NUBPL: variants seen among roughly 807,000 people sequenced by gnomAD.
The protein encoded by NUBPL is NUBP iron-sulfur cluster assembly factor, mitochondrial.
NUBPL carries 31 observed loss-of-function variants against 45.7 expected under a neutral mutation model. The ratio of observed to expected loss-of-function variants is 0.68; its 90% confidence interval spans 0.51 to 0.92. The LOEUF is 0.92. Ranked by LOEUF, NUBPL falls within the 40% of genes least tolerant of loss-of-function variation. NUBPL has a pLI of 0.00. For missense variants in NUBPL, 401 were observed against 398.7 expected, an observed-to-expected ratio of 1.01 and a Z score of -0.05; for synonymous variants, 144 against 140.9, an observed-to-expected ratio of 1.02 and a Z score of -0.15.
At chr14:31,688,194 G>A (rs1377956282) in intron 6 of NUBPL, among the ~76,000 whole-genome samples, 5 of 152,144 alleles carry the variant, frequency 3.3e-5, no homozygotes, top group Admixed American at 6.6e-5. Context: ...ATAATTTTAG[G>A]AAGAGGTTTC....
At chr14:31,857,591 CT>C (rs2040644868) in intron 10 of NUBPL, among the ~76,000 whole-genome samples, 1 of 152,170 alleles carries the variant, frequency 6.6e-6, no homozygotes, top group South Asian at 2.1e-4. Context: ...CTCTTGAATG[CT>C]TTGCTGCTTA....
At chr14:31,647,601 C>T (rs79213402) in intron 4 of NUBPL, among the ~76,000 whole-genome samples, 7,161 of 152,290 alleles carry the variant, frequency 0.047, 211 homozygotes, top group Admixed American at 0.066. Flanking sequence ...GCTGAACAGT[C>T]AGTCTGATTT....
At chr14:31,752,117 G>T (rs67399055) in intron 6 of NUBPL, among the ~76,000 whole-genome samples, 1 of 151,990 alleles carries the variant, frequency 6.6e-6, no homozygotes, top group Non-Finnish European at 1.5e-5. Context: ...TCTCTGAAAC[G>T]CCCTGGAGAC....
intron 4 of NUBPL, among the ~76,000 whole-genome samples, chr14:31,658,044 TGTTTAAAA>T (rs1361893570): frequency 2.6e-5 from 4 of 152,206 alleles, no homozygotes; most frequent in Non-Finnish European, 4.4e-5. Context: ...ATTCAACTAC[TGTTTAAAA>T]GATGATTCAT....
chr14:31,616,152 TTTTG>T lies in NUBPL; in HGVS notation c.382+16777_382+16780del, dbSNP rs1308903073. Among the ~76,000 whole-genome samples, 6 of 152,054 alleles carry T rather than the reference TTTTG, an allele frequency of 3.9e-5. No individual in the cohort carries two copies. In the South Asian group the frequency reaches 1.0e-3, roughly 26 times the overall value. On this transcript the variant is annotated intron_variant, in intron 4 of 10. Coordinates refer to ENST00000281081, the MANE Select transcript of NUBPL (RefSeq NM_025152.3). Reference sequence around the variant, plus strand: ...CTTTTTGATGGGGTTGTTTTTTTCTTTTTGTTTAAGTTCTTTTAGATTCTGCATA... The same window carrying T: ...CTTTTTGATGGGGTTGTTTTTTTCTTTTTAAGTTCTTTTAGATTCTGCATA...
chr14:31,646,626 G>A (rs1441263565), intron 4 of NUBPL, among the ~76,000 whole-genome samples: 1 of 151,976 alleles, frequency 6.6e-6, no homozygotes, highest in African/African-American at 2.4e-5. Flanking sequence ...TTCTCTTGCT[G>A]CTTTTAGTAT....
chr14:31,700,741 C>A (rs1285728075), intron 6 of NUBPL, among the ~76,000 whole-genome samples: 1 of 152,130 alleles, frequency 6.6e-6, no homozygotes, highest in Non-Finnish European at 1.5e-5. Context: ...GGCCTGCCTG[C>A]ACTGCACTTG....
intron 4 of NUBPL, among the ~76,000 whole-genome samples, chr14:31,643,730 T>C (rs970885458): frequency 1.3e-5 from 2 of 152,102 alleles, no homozygotes; most frequent in South Asian, 4.1e-4. Context: ...TTGGCATTAC[T>C]TCTTTAAATT....
rs550897213 is a variant in NUBPL, at chr14:31,627,120, A to G, written c.382+27741A>G. On this transcript the variant is annotated intron_variant, in intron 4 of 10. Transcript: ENST00000281081. ...TCTAGCACATGGTAAGCACCAGTGC[A>G]TATTGTTTTCATTAGTATTTTATCA... Among the ~76,000 whole-genome samples, 90 of 152,352 alleles carry G rather than the reference A, an allele frequency of 5.9e-4. 1 individual carries two copies. The South Asian group carries it at 0.018, about 30-fold the overall frequency.
intron 8 of NUBPL, among the ~76,000 whole-genome samples, chr14:31,827,279 A>T (rs2040120590): frequency 6.6e-6 from 1 of 151,992 alleles, no homozygotes; most frequent in Admixed American, 6.6e-5. Context: ...CTAGGGGTGT[A>T]CCGTGACTTT....
chr14:31,800,741 T>C (rs1167211719), intron 7 of NUBPL: 1 of 152,250 alleles, frequency 6.6e-6, no homozygotes, highest in Non-Finnish European at 1.5e-5. Flanking sequence ...GTATGATATC[T>C]GAAGACTGTC....
chr14:31,741,512 C>T (rs966801957), intron 6 of NUBPL, among the ~76,000 whole-genome samples: 1 of 152,040 alleles, frequency 6.6e-6, no homozygotes, highest in Non-Finnish European at 1.5e-5. Flanking sequence ...GGGTAGAGTA[C>T]TCCTGCATAT....
Position 31,784,550 on chromosome 14 carries a change from C to T in NUBPL, c.514-3230C>T, listed in dbSNP as rs116391788. Reference sequence around the variant, plus strand: ...AGCTTTCTAGGTTACATTTGCCTGTCATGTGACTCAGGCCTCATGATCACA... The same window carrying T: ...AGCTTTCTAGGTTACATTTGCCTGTTATGTGACTCAGGCCTCATGATCACA... On this transcript the variant is annotated intron_variant, in intron 6 of 10. Transcript: ENST00000281081. 6.5e-3 allele frequency among the ~76,000 whole-genome samples: 996 copies of T among 152,292 alleles called. 12 individuals carry two copies. Among genetic ancestry groups the T allele is most frequent in the African/African-American group, 0.022 (933 of 41,558 alleles).
chr14:31,749,316 G>A (rs1180797266), intron 6 of NUBPL, among the ~76,000 whole-genome samples: 1 of 152,058 alleles, frequency 6.6e-6, no homozygotes, highest in Non-Finnish European at 1.5e-5. Context: ...ACTTTATACT[G>A]TTTTCATGAG....
chr14:31,739,834 A>T (rs536558499), intron 6 of NUBPL, among the ~76,000 whole-genome samples: 31 of 152,186 alleles, frequency 2.0e-4, no homozygotes, highest in Middle Eastern at 3.4e-3. Context: ...TCTCCCTCTG[A>T]CCCCTGATAT....
chr14:31,608,122 C>T (rs1259356687), intron 4 of NUBPL, among the ~76,000 whole-genome samples: 1 of 152,062 alleles, frequency 6.6e-6, no homozygotes, highest in Non-Finnish European at 1.5e-5. Context: ...CACTTTTACC[C>T]TAAAATAGTA....
intron 7 of NUBPL, among the ~76,000 whole-genome samples, chr14:31,812,230 T>G (rs1397831778): frequency 1.3e-5 from 2 of 152,238 alleles, no homozygotes; most frequent in Non-Finnish European, 2.9e-5. Flanking sequence ...TTTGTTCAGC[T>G]ATGCCCTGCC....
At position 31,771,966 on chromosome 14, in the gene NUBPL, A is replaced by C. The variant is rs117056861; in HGVS notation, c.514-15814A>C. On this transcript the variant is annotated intron_variant, in intron 6 of 10. Transcript: ENST00000281081. Reference sequence around the variant, plus strand: ...TAGTCTAACGCAGTAATGTCCTTCAAGTGCTCTAATACCTTAACCACTGAA... The same window carrying C: ...TAGTCTAACGCAGTAATGTCCTTCACGTGCTCTAATACCTTAACCACTGAA... 938 of 780,282 alleles carry C rather than the reference A, an allele frequency of 1.2e-3. 32 individuals are homozygous for C. In the East Asian group the frequency reaches 0.089, roughly 74 times the overall value. 48.3% of individuals were successfully genotyped at this position (780,282 alleles called of 1,614,324 possible).
chr14:31,704,361 A>G (rs1007415322), intron 6 of NUBPL, among the ~76,000 whole-genome samples: 3 of 152,266 alleles, frequency 2.0e-5, no homozygotes, highest in African/African-American at 4.8e-5. Context: ...TCTGATAGTC[A>G]TAGTTACTGA....
Sources: allele counts gnomAD v4.1 joint callset (sites outside exome capture counted in the v4.1 genomes callset), GRCh38; gene constraint gnomAD v4.1.1; transcripts MANE v1.5; gene names NCBI Gene and HGNC (gene_info 2026-07-23, HGNC 2026-07-21).